CACNA1E: variants seen among roughly 807,000 people sequenced by gnomAD.
CACNA1E encodes calcium voltage-gated channel subunit alpha1 E.
CACNA1E carries 40 observed loss-of-function variants against 259.2 expected under a neutral mutation model. The observed-to-expected ratio is 0.15, with a 90% CI of 0.12 to 0.20. The LOEUF (loss-of-function observed/expected upper bound fraction) is 0.20, where lower values mean the gene tolerates loss of function less well. CACNA1E is among the 10% of genes least tolerant of loss of function. CACNA1E has a pLI of 1.00. For synonymous variants in CACNA1E, 1,104 were observed against 1,138.5 expected (o/e 0.97, Z 0.61); for missense variants, 1,874 against 3,040.1 (o/e 0.62, Z 9.02).
intron 10 of CACNA1E, 96 bp downstream of exon 10, chr1:181,716,225 A>C: frequency 2.8e-6 from 2 of 722,434 alleles, no homozygotes; most frequent in Admixed American, 4.7e-5. Flanking sequence ...GAAAGAATCC[A>C]AAGGGTCCAG....
intron 1 of CACNA1E, among the ~76,000 whole-genome samples, chr1:181,364,596 A>C (rs1161351160): frequency 6.6e-6 from 1 of 152,120 alleles, no homozygotes; most frequent in East Asian, 1.9e-4. Flanking sequence ...GCAGGAAGCT[A>C]CAAGAAAGAT....
In CACNA1E at chr1:181,781,652, G is replaced by T. The variant is rs912574823; in HGVS notation, c.5364+129G>T. The T allele has an allele frequency of 1.0e-5, 7 of 666,994 alleles. No individual in the cohort carries two copies. The Admixed American group carries it at 1.1e-4, about 10-fold the overall frequency. The allele number at this position is 666,994 out of a possible 1,614,324, so 41.3% of individuals were successfully genotyped here. A position where few individuals can be genotyped will look rare whatever the true frequency, so the allele number is the denominator to read the frequency against. ...GGAGGGAACTAAGGAGGAAAGGCAC[G>T]ATGAGACTGAAGAGTCAGGAAGGTT... is the stretch of plus-strand genomic sequence containing the variant. On this transcript the variant is annotated intron_variant, in intron 39 of 47. Coordinates refer to ENST00000367573, the MANE Select transcript of CACNA1E (RefSeq NM_001205293.3).
chr1:181,579,018 A>G (rs745782023), intron 4 of CACNA1E, 54 bp from the exon 5 acceptor site: 233 of 1,463,376 alleles, frequency 1.6e-4, no homozygotes, highest in Non-Finnish European at 2.1e-4. Flanking sequence ...ATCCTCCCCT[A>G]TCAGATGGTG....
chr1:181,766,042 T>C (rs1007305771), intron 34 of CACNA1E, among the ~76,000 whole-genome samples: 2 of 152,210 alleles, frequency 1.3e-5, no homozygotes, highest in Admixed American at 6.5e-5. Flanking sequence ...AGAAAATGAA[T>C]GACCTTTCTA....
chr1:181,713,095 G>A (rs915322138), intron 8 of CACNA1E, among the ~76,000 whole-genome samples: 1 of 152,156 alleles, frequency 6.6e-6, no homozygotes, highest in African/African-American at 2.4e-5. Context: ...AGACACTCAA[G>A]TTCTAAAGCG....
chr1:181,651,642 A>G (rs971124857), intron 7 of CACNA1E: 4 of 506,544 alleles, frequency 7.9e-6, no homozygotes, highest in Non-Finnish European at 1.1e-5. Flanking sequence ...ATTCTCAGGA[A>G]TTAAAAAGTC....
intron 27 of CACNA1E, among the ~76,000 whole-genome samples, chr1:181,753,457 T>C (rs1657779112): frequency 6.6e-6 from 1 of 152,222 alleles, no homozygotes; most frequent in South Asian, 2.1e-4. Context: ...TTAGAAGCTA[T>C]ATGACCCAGG....
At chr1:181,337,473 C>T (rs918338833) in intron 1 of CACNA1E, among the ~76,000 whole-genome samples, 3 of 152,158 alleles carry the variant, frequency 2.0e-5, no homozygotes, top group African/African-American at 7.2e-5. Flanking sequence ...TGTGTTCATC[C>T]TATCTATATA....
intron 37 of CACNA1E, among the ~76,000 whole-genome samples, chr1:181,772,716 A>G (rs903069306): frequency 5.3e-5 from 8 of 152,218 alleles, no homozygotes; most frequent in African/African-American, 1.9e-4. Context: ...GAGTAGAATG[A>G]TGATAATGGA....
intron 41 of CACNA1E, among the ~76,000 whole-genome samples, chr1:181,785,005 A>G (rs1026713578): frequency 2.0e-5 from 3 of 152,110 alleles, no homozygotes; most frequent in Non-Finnish European, 2.9e-5. Flanking sequence ...GCAAACCTTC[A>G]TGGGAGAAAG....
rs574358645 is a variant in CACNA1E at position 181,785,300 on chromosome 1, C to T, written c.5579-18C>T. On this transcript the variant is annotated intron_variant, in intron 41 of 47. Transcript: ENST00000367573. Reference sequence around the variant, plus strand: ...TATCTACTCCCTGTTCACCATCATGCCACATTTGTGTTTCTAGCCTCTGAC... The same window carrying T: ...TATCTACTCCCTGTTCACCATCATGTCACATTTGTGTTTCTAGCCTCTGAC... 1.2e-5 allele frequency: 18 copies of T among 1,478,412 alleles called. No individual in the cohort carries two copies. Among genetic ancestry groups the T allele is most frequent in the East Asian group, 2.3e-5 (1 of 44,182 alleles). 91.6% of individuals were successfully genotyped at this position (1,478,412 alleles called of 1,614,324 possible).
chr1:181,410,566 G>A (rs1029725071), intron 1 of CACNA1E, among the ~76,000 whole-genome samples: 4 of 152,292 alleles, frequency 2.6e-5, no homozygotes, highest in Non-Finnish European at 4.4e-5. Context: ...TCATGTATGC[G>A]CTAAGATCAT....
chr1:181,685,392 T>C (rs949679600), intron 7 of CACNA1E, among the ~76,000 whole-genome samples: 1 of 152,084 alleles, frequency 6.6e-6, no homozygotes, highest in African/African-American at 2.4e-5. Context: ...GGGAACCGAG[T>C]TGGAATGTGA....
chr1:181,747,449 C>CT (rs1558340074), intron 25 of CACNA1E, among the ~76,000 whole-genome samples: 21 of 117,344 alleles, frequency 1.8e-4, no homozygotes, highest in South Asian at 5.5e-4. Flanking sequence ...AAAAATCTGT[C>CT]ATTTTTTTTT....
intron 2 of CACNA1E, among the ~76,000 whole-genome samples, chr1:181,511,098 C>T (rs1218960689): frequency 6.6e-6 from 1 of 152,204 alleles, no homozygotes; most frequent in Non-Finnish European, 1.5e-5. Flanking sequence ...AGGGCAAAGC[C>T]AGGGCCATCA....
intron 7 of CACNA1E, among the ~76,000 whole-genome samples, chr1:181,671,875 C>T (rs1200860721): frequency 2.6e-5 from 4 of 152,128 alleles, no homozygotes; most frequent in African/African-American, 9.7e-5. Flanking sequence ...CCCAGCATTC[C>T]CATTACTGGG....
upstream of CACNA1E, chr1:181,483,504 T>C (rs1663483410): frequency 3.2e-6 from 1 of 314,554 alleles, no homozygotes; most frequent in Non-Finnish European, 5.8e-6. Flanking sequence ...CTTTTTTCTT[T>C]TTTTTTTTTT....
rs77735948 is a variant in CACNA1E at position 181,746,163 on chromosome 1, C to T, written c.3720-4313C>T. ...GGAAAAATAAACCCCAAATGGTAGC[C>T]GCTAAGCAGTGACAACGTCAAAGTG... On this transcript the variant is annotated intron_variant, in intron 25 of 47. Transcript: ENST00000367573. 5.6e-3 allele frequency among the ~76,000 whole-genome samples: 858 copies of T among 152,258 alleles called. 5 individuals carry two copies. Among genetic ancestry groups the T allele is most frequent in the Non-Finnish European group, 8.9e-3 (603 of 68,022 alleles).
intron 2 of CACNA1E, among the ~76,000 whole-genome samples, chr1:181,466,073 A>T (rs1662133732): frequency 6.6e-6 from 1 of 152,128 alleles, no homozygotes; most frequent in South Asian, 2.1e-4. Flanking sequence ...TTTCTCATTC[A>T]CTCAGAGACA....
Sources: gnomAD v4.1 joint callset for allele counts (sites outside exome capture counted in the v4.1 genomes callset) on GRCh38, gnomAD v4.1.1 for gene constraint, MANE v1.5 for transcripts, NCBI Gene and HGNC (gene_info 2026-07-23, HGNC 2026-07-21) for gene names.